Variants in GMDS observed in about 807,000 individuals in gnomAD.
GMDS encodes GDP-mannose 4,6 dehydratase.
In GMDS, 20 loss-of-function variants were observed where a neutral mutation model predicts 49.9. That is an observed-to-expected ratio of 0.40 (90% CI 0.28 to 0.58). The LOEUF is 0.58. GMDS is among the 20% of genes least tolerant of loss of function. The pLI, the probability that GMDS is intolerant of heterozygous loss-of-function variation, is 0.42. For missense variants in GMDS, 362 were observed against 481.4 expected (o/e 0.75, Z 2.32); for synonymous variants, 177 against 178.6 (o/e 0.99, Z 0.07).
intron 4 of GMDS, among the ~76,000 whole-genome samples, chr6:1,975,268 G>C (rs1397881220): frequency 6.6e-6 from 1 of 152,186 alleles, no homozygotes; most frequent in African/African-American, 2.4e-5. Flanking sequence ...ATAAGCATAT[G>C]GGCAAGGAAG....
Position 2,180,692 on chromosome 6 carries a change from T to C in GMDS, c.103-55961A>G, listed in dbSNP as rs545122119. The stretch of plus-strand genomic sequence containing the variant: ...CAAGATGTCACCTTGGAACAAATAA[T>C]AGCTAATGTGAACAAATCCTCCCAT... On this transcript the variant is annotated intron_variant, in intron 1 of 10. Coordinates refer to ENST00000380815, the MANE Select transcript of GMDS (RefSeq NM_001500.4). 9.2e-5 allele frequency among the ~76,000 whole-genome samples: 14 copies of C among 152,232 alleles called. No individual in the cohort carries two copies. In the South Asian group the frequency reaches 2.9e-3, roughly 32 times the overall value.
chr6:1,731,044 T>C (rs1283309578), intron 8 of GMDS, among the ~76,000 whole-genome samples: 2 of 152,116 alleles, frequency 1.3e-5, no homozygotes, highest in Non-Finnish European at 2.9e-5. Context: ...TCAGGAAAGA[T>C]ATCAAACAAA....
At chr6:1,655,478 CACACACACACACACACAT>C (rs1367584754) in intron 9 of GMDS, among the ~76,000 whole-genome samples, 11 of 38,662 alleles carry the variant, frequency 2.8e-4, no homozygotes, top group Admixed American at 1.5e-3. Flanking sequence ...GAAAGCCTTA[CACACACACACACACACAT>C]ACACACACAC....
chr6:1,871,270 A>G (rs1758732254), intron 7 of GMDS, among the ~76,000 whole-genome samples: 1 of 152,206 alleles, frequency 6.6e-6, no homozygotes, highest in South Asian at 2.1e-4. Flanking sequence ...CTGTTGTCTC[A>G]GTGATAATGT....
chr6:2,204,385 T>C (rs778528898), intron 1 of GMDS, among the ~76,000 whole-genome samples: 4 of 152,212 alleles, frequency 2.6e-5, no homozygotes, highest in Non-Finnish European at 4.4e-5. Flanking sequence ...ACATCCCTTA[T>C]GTGTAAAGGA....
chr6:1,996,820 T>G (rs943173303), intron 4 of GMDS, among the ~76,000 whole-genome samples: 5 of 152,196 alleles, frequency 3.3e-5, no homozygotes, highest in African/African-American at 1.2e-4. Context: ...TCTGAGGACA[T>G]GTACTCAGAC....
intron 7 of GMDS, among the ~76,000 whole-genome samples, chr6:1,923,762 T>G (rs1452316068): frequency 1.3e-5 from 2 of 152,210 alleles, no homozygotes; most frequent in African/African-American, 4.8e-5. Flanking sequence ...ACAAGCAAAC[T>G]TCCCTTAAAT....
At chr6:1,980,614 C>A (rs1765170095) in intron 4 of GMDS, among the ~76,000 whole-genome samples, 1 of 152,146 alleles carries the variant, frequency 6.6e-6, no homozygotes, top group Non-Finnish European at 1.5e-5. Flanking sequence ...GAGACTTTAA[C>A]ACTCCACTGA....
At position 1,806,698 on chromosome 6, in the gene GMDS, G is replaced by C. The variant is rs543321815; in HGVS notation, c.772-64112C>G. Among the ~76,000 whole-genome samples, 738 of 152,212 alleles carry C rather than the reference G, an allele frequency of 4.8e-3. 1 individual carries two copies. Among genetic ancestry groups the C allele is most frequent in the Non-Finnish European group, 8.1e-3 (550 of 68,008 alleles). On this transcript the variant is annotated intron_variant, in intron 7 of 10. Coordinates refer to ENST00000380815, the MANE Select transcript of GMDS (RefSeq NM_001500.4). ...TCTTACATATCAAAATGAGAAAGAG[G>C]CTCTGTTGATATTTTCACATACTGA...
intron 4 of GMDS, among the ~76,000 whole-genome samples, chr6:2,001,658 T>C (rs1766824293): frequency 6.6e-6 from 1 of 151,964 alleles, no homozygotes; most frequent in South Asian, 2.1e-4. Context: ...GCAACAGTAA[T>C]AAAGAAAGTG....
intron 7 of GMDS, among the ~76,000 whole-genome samples, chr6:1,880,815 C>T (rs1354366166): frequency 6.6e-6 from 1 of 152,074 alleles, no homozygotes; most frequent in African/African-American, 2.4e-5. Context: ...CCAACAATGG[C>T]CAGCTGGAAA....
At chr6:2,066,793 A>G (rs926983350) in intron 4 of GMDS, among the ~76,000 whole-genome samples, 1 of 152,086 alleles carries the variant, frequency 6.6e-6, no homozygotes, top group African/African-American at 2.4e-5. Context: ...AAAGAGACTT[A>G]GACTCCCACA....
At chr6:2,000,025 ATATC>A (rs1364663923) in intron 4 of GMDS, among the ~76,000 whole-genome samples, 1,618 of 11,240 alleles carry the variant, frequency 0.14, 433 homozygotes, top group Non-Finnish European at 0.22. Flanking sequence ...ATATATATAT[ATATC>A]TATATCTTTT....
chr6:1,765,308 A>G (rs558546401), intron 7 of GMDS, among the ~76,000 whole-genome samples: 1 of 152,290 alleles, frequency 6.6e-6, no homozygotes, highest in East Asian at 1.9e-4. Context: ...TTTTGGCATA[A>G]AGAGTTCCCA....
chr6:1,995,076 C>T (rs1026300512), intron 4 of GMDS, among the ~76,000 whole-genome samples: 2 of 152,090 alleles, frequency 1.3e-5, no homozygotes, highest in African/African-American at 4.8e-5. Flanking sequence ...CCTTACAAAC[C>T]CCTAAAAACC....
At chr6:1,743,400 G>T (rs9392331) in intron 7 of GMDS, among the ~76,000 whole-genome samples, 1 of 151,018 alleles carries the variant, frequency 6.6e-6, no homozygotes, top group Non-Finnish European at 1.5e-5. Context: ...AAAATTAGCC[G>T]GGCGTGGTGG....
chr6:2,162,229 G>C (rs1223970130), intron 1 of GMDS, among the ~76,000 whole-genome samples: 1 of 152,146 alleles, frequency 6.6e-6, no homozygotes, highest in Non-Finnish European at 1.5e-5. Context: ...TGGGTGCCTA[G>C]GTTCTAATCA....
rs148991983 is a variant in GMDS at position 1,970,328 on chromosome 6, G to A, written c.346-9362C>T. Among the ~76,000 whole-genome samples the A allele has an allele frequency of 6.5e-4, 99 of 152,280 alleles. No individual in the cohort carries two copies. In the East Asian group the frequency reaches 0.017, roughly 27 times the overall value. ...AAGGACAGCAACAATAAAACCTTAC[G>A]TTCCATCATGAACCAGTTTTTCCCA... On this transcript the variant is annotated intron_variant, in intron 4 of 10. Transcript: ENST00000380815.
In GMDS at chr6:2,191,755, G is replaced by A. The variant is rs1333918994; in HGVS notation, c.102+53566C>T. On this transcript the variant is annotated intron_variant, in intron 1 of 10. Coordinates refer to ENST00000380815, the MANE Select transcript of GMDS (RefSeq NM_001500.4). The surrounding 1 kb of genome is among the most constrained non-coding windows in gnomAD (Gnocchi z 4.6). Reference sequence around the variant, plus strand: ...ACTGAGAGCAGCTTGATGCTGGCCTGCAGGTACCCCATGGATGAGCAGCCT... The same window carrying A: ...ACTGAGAGCAGCTTGATGCTGGCCTACAGGTACCCCATGGATGAGCAGCCT... Among the ~76,000 whole-genome samples the A allele has an allele frequency of 6.6e-6, 1 of 152,228 alleles. No individual in the cohort carries two copies. Among genetic ancestry groups the A allele is most frequent in the Non-Finnish European group, 1.5e-5 (1 of 68,036 alleles).
Sources: gnomAD v4.1 joint callset for allele counts (sites outside exome capture counted in the v4.1 genomes callset) on GRCh38, gnomAD v4.1.1 for gene constraint, Gnocchi (gnomAD v3.1) non-coding constraint, MANE v1.5 for transcripts, NCBI Gene and HGNC (gene_info 2026-07-23, HGNC 2026-07-21) for gene names.